The following DDX59 variants were observed in gnomAD, a reference collection of about 807,000 sequenced individuals.
DDX59 encodes the protein probable ATP-dependent RNA helicase DDX59.
DDX59 carries 30 observed loss-of-function variants against 51.9 expected under a neutral mutation model. The observed-to-expected ratio is 0.58, with a 90% CI of 0.43 to 0.78. The LOEUF is 0.78. Among genes scored for constraint, DDX59 ranks in the 30% least tolerant of loss-of-function variants. The probability of loss-of-function intolerance (pLI) is 0.00; values close to 1 mark genes in which losing one functional copy is unlikely to be tolerated. For missense variants in DDX59, 672 were observed against 730.8 expected, an observed-to-expected ratio of 0.92 and a Z score of 0.93; for synonymous variants, 255 against 253.3, an observed-to-expected ratio of 1.01 and a Z score of -0.06.
chr1:200,668,957 T>C (rs2102943926), intron 1 of DDX59, among the ~76,000 whole-genome samples: 1 of 152,336 alleles, frequency 6.6e-6, no homozygotes, highest in South Asian at 2.1e-4. Context: ...ATTTCTTAAA[T>C]GTATTTGATG....
rs879048483 is a variant in DDX59 at position 200,664,056 on chromosome 1, G to T, written c.835C>A (p.Pro279Thr). The change falls in exon 3 of 8, where the codon CCA becomes ACA. Residue 279 changes from proline to threonine, a missense_variant. Pro to Thr is a conservative substitution (Grantham distance 38). Transcript: ENST00000331314. ...SKTPSALILT[P>T]TRELAIQIER... ...ATCTGAATGGCTAACTCTCTGGTTG[G>T]TGTAAGAATGAGCGCAGATGGAGTT... 6 of 1,613,526 alleles carry T rather than the reference G, an allele frequency of 3.7e-6. No individual in the cohort carries two copies. In the South Asian group the frequency reaches 6.6e-5, roughly 18 times the overall value.
At chr1:200,657,913 G>T (rs1041746322) in intron 4 of DDX59, among the ~76,000 whole-genome samples, 1 of 151,688 alleles carries the variant, frequency 6.6e-6, no homozygotes, top group Non-Finnish European at 1.5e-5. Context: ...GCTAAACACT[G>T]TCTCAAGAAA....
chr1:200,659,170 C>T, intron 3 of DDX59, 54 bp from the exon 4 acceptor site: 1 of 1,358,140 alleles, frequency 7.4e-7, no homozygotes, highest in Admixed American at 1.7e-5. Flanking sequence ...TATTTTCATT[C>T]ATTCATTCCA....
intron 3 of DDX59, 90 bp from the exon 4 acceptor site, chr1:200,659,206 C>T (rs1343200606): frequency 7.2e-6 from 7 of 974,486 alleles, no homozygotes; most frequent in African/African-American, 1.6e-5. Context: ...TAATATGTAC[C>T]AGACACTGTG....
chr1:200,662,346 G>A (rs1391664540), intron 3 of DDX59, among the ~76,000 whole-genome samples: 1 of 152,158 alleles, frequency 6.6e-6, no homozygotes, highest in Non-Finnish European at 1.5e-5. Context: ...GGAAAAAAAA[G>A]TTCCATTTAC....
At chr1:200,668,786 A>G (rs1468725508) in intron 1 of DDX59, among the ~76,000 whole-genome samples, 2 of 152,042 alleles carry the variant, frequency 1.3e-5, no homozygotes, top group African/African-American at 2.4e-5. Context: ...TCTAAAGTCT[A>G]TCTAAGAGCT....
chr1:200,667,733 T>A (rs7544724), intron 1 of DDX59, among the ~76,000 whole-genome samples: 1 of 152,058 alleles, frequency 6.6e-6, no homozygotes, highest in Non-Finnish European at 1.5e-5. Flanking sequence ...TAAGTAACAC[T>A]TAGTGTTTAT....
Position 200,644,450 on chromosome 1 carries a change from C to A in DDX59, c.1664G>T (p.Arg555Ile). 2 of 1,609,810 alleles carry A rather than the reference C, an allele frequency of 1.2e-6. No homozygotes were observed. Among genetic ancestry groups the A allele is most frequent in the Non-Finnish European group, 1.7e-6 (2 of 1,178,078 alleles). The change falls in exon 8 of 8, where the codon AGA (arginine) becomes ATA (isoleucine). Residue 555 changes from arginine (R) to isoleucine (I), a missense_variant. By Grantham distance (97) the Arg-to-Ile change is moderately conservative. Coordinates refer to ENST00000331314, the MANE Select transcript of DDX59 (RefSeq NM_001031725.6). ...AITFINNNSK[R>I]LFWDIAKRVK... ...TCGTTTTGCAATATCCCAGAAGAGT[C>A]TTTTTGAATTATTATTGATGAAAGT...
In DDX59 at chr1:200,648,419, T is replaced by C. The variant is rs1461091923; in HGVS notation, c.1596+20A>G. On this transcript the variant is annotated intron_variant, in intron 7 of 7. Transcript: ENST00000331314. ...ATAAAACTCGTGAACAAAATAGTGG[T>C]AACATATAAAGCTCCTTACCTGATG... is the stretch of plus-strand genomic sequence containing the variant. The C allele has an allele frequency of 6.2e-7, 1 of 1,609,904 alleles. No individual in the cohort carries two copies. Among genetic ancestry groups the C allele is most frequent in the Non-Finnish European group, 8.5e-7 (1 of 1,178,840 alleles).
In DDX59 at chr1:200,669,886, GGTTGGTGGT is replaced by G. The variant is rs1256106149; in HGVS notation, c.-140_-132del. On this transcript the variant is annotated 5_prime_UTR_variant, in exon 1 of 8. Transcript: ENST00000331314. Reference sequence around the variant, plus strand: ...CCCGCTCGTCAGGACTGCGGCCCGGGGTTGGTGGTGCGGAGCGGAGCGGAGCGGAGCGTA... The same window carrying G: ...CCCGCTCGTCAGGACTGCGGCCCGGGGCGGAGCGGAGCGGAGCGGAGCGTA... 5 of 127,434 alleles carry G rather than the reference GGTTGGTGGT, an allele frequency of 3.9e-5. No individual in the cohort carries two copies. The allele number at this position is 127,434 out of a possible 1,614,324, so 7.9% of individuals were successfully genotyped here.
At chr1:200,658,971 T>C (rs1662205497) in intron 4 of DDX59, 56 bp downstream of exon 4, 4 of 1,403,626 alleles carry the variant, frequency 2.8e-6, no homozygotes, top group Non-Finnish European at 4.0e-6. Flanking sequence ...TATATAACTA[T>C]ACTTTCCATA....
Position 200,644,341 on chromosome 1 carries a change from T to A in DDX59, c.1773A>T (p.Lys591Asn). Residue 591 changes from lysine (K) to asparagine (N), a missense_variant, in exon 8 of 8, where the codon AAA becomes AAT. Physicochemically the swap from Lys to Asn is moderately conservative, Grantham distance 94 (BLOSUM62 0). Coordinates refer to ENST00000331314, the MANE Select transcript of DDX59 (RefSeq NM_001031725.6). Reference sequence around the variant, plus strand: ...CCAGATCATTCTGTGTCTGTTTATCTTTCTGTTGTTCCTTTCTCTTCTGGT... The same window carrying A: ...CCAGATCATTCTGTGTCTGTTTATCATTCTGTTGTTCCTTTCTCTTCTGGT... ...LHDQKRKEQQKDKQTQNDLVT... is the reference protein window; with the variant it reads ...LHDQKRKEQQNDKQTQNDLVT... The A allele has an allele frequency of 1.2e-6, 2 of 1,613,950 alleles. No homozygotes were observed. Among genetic ancestry groups the A allele is most frequent in the Non-Finnish European group, 1.7e-6 (2 of 1,179,934 alleles).
At chr1:200,650,275 T>G in intron 5 of DDX59, 150 bp downstream of exon 5, 1 of 799,906 alleles carries the variant, frequency 1.3e-6, no homozygotes, top group Admixed American at 3.2e-5. Flanking sequence ...ATTTATTTGA[T>G]TCTCATAGAA....
rs779480651 is a variant in DDX59, at chr1:200,644,232, A to G, written c.*22T>C. The stretch of plus-strand genomic sequence containing the variant: ...TTGCTGACTATATACAATAAAAAAA[A>G]ATATTCAAGTGGCAGAGAAAATCAT... On this transcript the variant is annotated 3_prime_UTR_variant, in exon 8 of 8. Coordinates refer to ENST00000331314, the MANE Select transcript of DDX59 (RefSeq NM_001031725.6). 6.7e-7 allele frequency: 1 copy of G among 1,493,368 alleles called. No individual in the cohort carries two copies. The highest frequency in any genetic ancestry group is 8.9e-7 in the Non-Finnish European group (1 of 1,121,706). 92.5% of individuals were successfully genotyped at this position (1,493,368 alleles called of 1,614,324 possible). A position where few individuals can be genotyped will look rare whatever the true frequency, so the allele number is the denominator to read the frequency against.
chr1:200,652,007 C>CAAAA (rs71135375), intron 4 of DDX59, among the ~76,000 whole-genome samples: 4 of 82,922 alleles, frequency 4.8e-5, no homozygotes, highest in Admixed American at 1.2e-4. Flanking sequence ...GCCTCCGTCT[C>CAAAA]AAAAAAAAAA....
intron 1 of DDX59, 112 bp from the exon 2 acceptor site, chr1:200,666,863 T>A: frequency 9.1e-7 from 1 of 1,098,726 alleles, no homozygotes. Context: ...ATCCCAGCAC[T>A]TTGGGAGGCC....
At position 200,644,297 on chromosome 1, in the gene DDX59, A is replaced by G. The variant is rs759757683; in HGVS notation, c.1817T>C (p.Met606Thr). ...QNDLVTGANL[M>T]DIIRKHDKSN... ...TTTATCATGTTTTCTGATAATATCC[A>G]TAAGATTAGCTCCTGTAACCAGATC... The change falls in exon 8 of 8, where the codon ATG (methionine) becomes ACG (threonine). Residue 606 changes from methionine to threonine, a missense_variant. By Grantham distance (81) the Met-to-Thr change is moderately conservative. Transcript: ENST00000331314. 42 of 1,594,142 alleles carry G rather than the reference A, an allele frequency of 2.6e-5. No individual in the cohort carries two copies. The Admixed American group carries it at 3.8e-4, about 14-fold the overall frequency.
chr1:200,658,927 A>T, intron 4 of DDX59, 100 bp downstream of exon 4: 5 of 1,015,934 alleles, frequency 4.9e-6, no homozygotes, highest in South Asian at 3.2e-5. Context: ...GTTTTTTTTG[A>T]GAGAGAGAAA....
chr1:200,658,092 G>T (rs565301521), intron 4 of DDX59, among the ~76,000 whole-genome samples: 5 of 152,184 alleles, frequency 3.3e-5, no homozygotes, highest in Admixed American at 6.5e-5. Context: ...TGGAAGGCAG[G>T]CTAAGACACT....
Sources: gnomAD v4.1 joint callset for allele counts (sites outside exome capture counted in the v4.1 genomes callset) on GRCh38, gnomAD v4.1.1 for gene constraint, MANE v1.5 for transcripts, NCBI Gene and HGNC (gene_info 2026-07-23, HGNC 2026-07-21) for gene names.